The following CCDC102B variants were observed in gnomAD, a reference collection of about 807,000 sequenced individuals.
CCDC102B encodes coiled-coil domain-containing protein 102B.
In CCDC102B, 75 loss-of-function variants were observed where a neutral mutation model predicts 57.4. The observed-to-expected ratio is 1.31, with a 90% CI of 1.08 to 1.58. The LOEUF (loss-of-function observed/expected upper bound fraction) is 1.58. Ranked by LOEUF, CCDC102B falls within the 40% of genes most tolerant of loss-of-function variation. The pLI is 0.00. For missense variants in CCDC102B, 636 were observed against 582.6 expected, an observed-to-expected ratio of 1.09 and a Z score of -0.94; for synonymous variants, 206 against 201.9, an observed-to-expected ratio of 1.02 and a Z score of -0.17.
intron 6 of CCDC102B, among the ~76,000 whole-genome samples, chr18:68,912,906 C>G (rs978115366): frequency 6.6e-6 from 1 of 152,156 alleles, no homozygotes; most frequent in Non-Finnish European, 1.5e-5. Flanking sequence ...AAATAAATGT[C>G]ACTAATTTGG....
chr18:68,925,063 G>A (rs1411737205), intron 6 of CCDC102B, among the ~76,000 whole-genome samples: 2 of 152,016 alleles, frequency 1.3e-5, no homozygotes, highest in African/African-American at 4.8e-5. Context: ...CAGAAAGGAT[G>A]CATGGAAGAA....
chr18:68,772,337 C>G (rs570468913), intron 2 of CCDC102B, among the ~76,000 whole-genome samples: 38 of 152,234 alleles, frequency 2.5e-4, no homozygotes, highest in African/African-American at 8.7e-4. Context: ...GTAGCATAGG[C>G]AGCCAAACCA....
chr18:68,765,042 C>T (rs185092677), intron 2 of CCDC102B, among the ~76,000 whole-genome samples: 2,773 of 29,746 alleles, frequency 0.093, 37 homozygotes, highest in South Asian at 0.23. Flanking sequence ...GTGAAACCCT[C>T]TCTTAAATAA....
Position 68,774,646 on chromosome 18 carries a change from A to G in CCDC102B, c.-66-48720A>G, listed in dbSNP as rs80175397. ...TTTAAATAACTTAGGATTATTGATC[A>G]CTGTGTGTCTACATGCCACTAACTG... On this transcript the variant is annotated intron_variant, in intron 2 of 3. Transcript: ENST00000578970. 8.2e-3 allele frequency among the ~76,000 whole-genome samples: 1,246 copies of G among 152,192 alleles called. 17 individuals carry two copies. The highest frequency in any genetic ancestry group is 0.029 in the African/African-American group (1,208 of 41,538).
At chr18:68,925,480 G>C (rs1053963963) in intron 6 of CCDC102B, among the ~76,000 whole-genome samples, 2 of 151,952 alleles carry the variant, frequency 1.3e-5, no homozygotes, top group Non-Finnish European at 2.9e-5. Context: ...GGTGACATCA[G>C]ATTAGAAAAA....
chr18:68,733,981 C>T (rs955418312), intron 2 of CCDC102B, among the ~76,000 whole-genome samples: 2 of 152,230 alleles, frequency 1.3e-5, no homozygotes, highest in African/African-American at 4.8e-5. Flanking sequence ...GTCACAGATA[C>T]ACTTGCAAAT....
intron 6 of CCDC102B, among the ~76,000 whole-genome samples, chr18:68,912,538 C>T (rs2040911988): frequency 6.6e-6 from 1 of 152,182 alleles, no homozygotes; most frequent in Non-Finnish European, 1.5e-5. Context: ...CAAACTAAAA[C>T]TTAGAATCTA....
intron 6 of CCDC102B, among the ~76,000 whole-genome samples, chr18:68,958,020 AG>A (rs1360593368): frequency 6.6e-6 from 1 of 152,142 alleles, no homozygotes; most frequent in Non-Finnish European, 1.5e-5. Flanking sequence ...GTGGCTGGGG[AG>A]GCCTCACAAT....
At chr18:68,839,025 C>T (rs748552209) in intron 3 of CCDC102B, 99 bp downstream of exon 3, 3 of 943,924 alleles carry the variant, frequency 3.2e-6, no homozygotes, top group Non-Finnish European at 3.3e-6. Context: ...GTATTTTATC[C>T]ATGTTTAGTC....
intron 6 of CCDC102B, among the ~76,000 whole-genome samples, chr18:69,010,258 C>T (rs2051478222): frequency 6.6e-6 from 1 of 151,544 alleles, no homozygotes; most frequent in Admixed American, 6.6e-5. Flanking sequence ...AAGACGTTTT[C>T]TATAATGATA....
intron 2 of CCDC102B, among the ~76,000 whole-genome samples, chr18:68,730,327 A>G (rs544993542): frequency 6.6e-6 from 1 of 152,272 alleles, no homozygotes; most frequent in African/African-American, 2.4e-5. Flanking sequence ...TTCTATATTT[A>G]CTTCTAAGTA....
rs1335443913 is a variant in CCDC102B, at chr18:68,838,851, A to C, written c.752A>C (p.Glu251Ala). ...CTGAAAGCAATAAATCTGCCTTTGG[A>C]AAATGAAGTAACTGAAATTTCAGCT... is the stretch of plus-strand genomic sequence containing the variant. ...LRLKAINLPL[E>A]NEVTEISALQ... The change falls in exon 3 of 8, where the codon GAA (glutamate) becomes GCA (alanine). Residue 251 changes from glutamate (E) to alanine (A), a missense_variant. Glu to Ala is a moderately radical substitution (Grantham distance 107). Transcript: ENST00000360242. The C allele has an allele frequency of 1.9e-6, 3 of 1,614,018 alleles. No homozygotes were observed. In the East Asian group the frequency reaches 6.7e-5, roughly 36 times the overall value.
intron 6 of CCDC102B, among the ~76,000 whole-genome samples, chr18:68,935,085 G>T (rs917230555): frequency 6.6e-6 from 1 of 151,828 alleles, no homozygotes; most frequent in Non-Finnish European, 1.5e-5. Flanking sequence ...AGAAAAGACC[G>T]CATCTATAAG....
intron 2 of CCDC102B, among the ~76,000 whole-genome samples, chr18:68,763,107 A>G (rs1256318576): frequency 5.9e-5 from 9 of 152,252 alleles, no homozygotes; most frequent in South Asian, 2.1e-4. Context: ...ACCATTTTAT[A>G]TAGATAAGTT....
At chr18:68,894,800 G>A (rs899126779) in intron 5 of CCDC102B, among the ~76,000 whole-genome samples, 8 of 151,414 alleles carry the variant, frequency 5.3e-5, no homozygotes, top group African/African-American at 1.9e-4. Flanking sequence ...TTTAAGCTTT[G>A]TTGTTGCTAC....
At chr18:68,938,108 A>G (rs1217366068) in intron 6 of CCDC102B, among the ~76,000 whole-genome samples, 1 of 151,990 alleles carries the variant, frequency 6.6e-6, no homozygotes, top group African/African-American at 2.4e-5. Context: ...CTCAACTCAG[A>G]CCTTATTAAG....
intron 7 of CCDC102B, among the ~76,000 whole-genome samples, chr18:69,021,598 T>G (rs1291051091): frequency 2.0e-5 from 3 of 152,240 alleles, no homozygotes; most frequent in Non-Finnish European, 4.4e-5. Flanking sequence ...TACAGTTGAA[T>G]GTAACAAATG....
intron 2 of CCDC102B, among the ~76,000 whole-genome samples, chr18:68,788,820 T>C (rs1284868940): frequency 2.6e-5 from 4 of 152,140 alleles, no homozygotes; most frequent in South Asian, 2.1e-4. Flanking sequence ...GAGCATTTAC[T>C]CCATTGACAT....
upstream of CCDC102B, among the ~76,000 whole-genome samples, chr18:68,795,378 T>C (rs140475782): frequency 7.0e-4 from 106 of 152,324 alleles, 2 homozygotes; most frequent in East Asian, 6.7e-3. Context: ...TATTTCAGAA[T>C]TATATGTCTA....
Sources: allele counts gnomAD v4.1 joint callset (sites outside exome capture counted in the v4.1 genomes callset), GRCh38; gene constraint gnomAD v4.1.1; transcripts MANE v1.5; gene names NCBI Gene and HGNC (gene_info 2026-07-23, HGNC 2026-07-21).